Variants in ARHGAP26 observed in about 807,000 individuals in gnomAD.
ARHGAP26 encodes Rho GTPase activating protein 26.
ARHGAP26 carries 38 observed loss-of-function variants against 104.8 expected under a neutral mutation model. The ratio of observed to expected loss-of-function variants is 0.36; its 90% CI spans 0.28 to 0.48. The LOEUF is 0.48. Ranked by LOEUF, ARHGAP26 falls within the 20% of genes least tolerant of loss-of-function variation. The pLI, the probability that ARHGAP26 is intolerant of heterozygous loss-of-function variation, is 0.99. For synonymous variants in ARHGAP26, 341 were observed against 340.0 expected, an observed-to-expected ratio of 1.00 and a Z score of -0.03; for missense variants, 704 against 947.9, an observed-to-expected ratio of 0.74 and a Z score of 3.38.
chr5:142,799,844 C>T (rs776228198), intron 1 of ARHGAP26, among the ~76,000 whole-genome samples: 4 of 152,262 alleles, frequency 2.6e-5, no homozygotes, highest in Non-Finnish European at 5.9e-5. Context: ...GCCTCATCAC[C>T]TCTTAAAGGT....
chr5:142,840,674 G>C (rs928034841), intron 1 of ARHGAP26, among the ~76,000 whole-genome samples: 3 of 152,206 alleles, frequency 2.0e-5, no homozygotes, highest in Admixed American at 1.3e-4. Context: ...AGAGGCATCA[G>C]AAAAGCCATG....
At chr5:142,901,279 A>G (rs1457279820) in intron 6 of ARHGAP26, among the ~76,000 whole-genome samples, 1 of 152,236 alleles carries the variant, frequency 6.6e-6, no homozygotes, top group African/African-American at 2.4e-5. Flanking sequence ...CTTACCTTTT[A>G]GCCTGAGGGA....
chr5:143,071,734 C>T (rs1788279977), intron 17 of ARHGAP26, among the ~76,000 whole-genome samples: 1 of 151,980 alleles, frequency 6.6e-6, no homozygotes, highest in Non-Finnish European at 1.5e-5. Context: ...ATGGTGAAAC[C>T]CCATCTCTAC....
chr5:143,029,392 GTTTTTTTTTTTTTTTTT>G (rs536919888), intron 12 of ARHGAP26, among the ~76,000 whole-genome samples: 13 of 80,846 alleles, frequency 1.6e-4, no homozygotes, highest in Admixed American at 4.5e-4. Context: ...TTACTTCTCA[GTTTTTTTTTTTTTTTTT>G]TTTTTTTTTT....
chr5:142,965,431 G>A (rs1296697243), intron 11 of ARHGAP26, among the ~76,000 whole-genome samples: 3 of 152,290 alleles, frequency 2.0e-5, no homozygotes, highest in African/African-American at 2.4e-5. Context: ...GGCAACGGGC[G>A]TCTTCCCAGA....
chr5:143,151,833 C>T (rs906278253), intron 20 of ARHGAP26, among the ~76,000 whole-genome samples: 18 of 152,198 alleles, frequency 1.2e-4, no homozygotes, highest in Middle Eastern at 3.4e-3. Flanking sequence ...TGGTGTGAGC[C>T]TGTAGTCCCA....
intron 22 of ARHGAP26, among the ~76,000 whole-genome samples, chr5:143,215,556 A>G (rs1024901906): frequency 6.6e-6 from 1 of 152,190 alleles, no homozygotes; most frequent in African/African-American, 2.4e-5. Context: ...CATTGCCACT[A>G]TATAATTCCA....
rs577454511 is a variant in ARHGAP26, at chr5:143,225,589, G to A, written c.*3143G>A. 2 of 215,182 alleles carry A rather than the reference G, an allele frequency of 9.3e-6. No individual in the cohort carries two copies. The highest frequency in any genetic ancestry group is 2.3e-5 in the African/African-American group (1 of 44,372). The allele number at this position is 215,182 out of a possible 1,614,324, so 13.3% of individuals were successfully genotyped here. A position where few individuals can be genotyped will look rare whatever the true frequency, so the allele number is the denominator to read the frequency against. ...GATCCTTGCTTTGGGGGTGCCTCAC[G>A]AAGCATCCCTGTAGACATTTGGCCC... On this transcript the variant is annotated 3_prime_UTR_variant, in exon 23 of 23. Transcript: ENST00000645722.
chr5:142,852,332 C>G (rs192011196), intron 1 of ARHGAP26, among the ~76,000 whole-genome samples: 1 of 152,200 alleles, frequency 6.6e-6, no homozygotes. Context: ...TCATTGTCCT[C>G]TGGGGACATG....
intron 17 of ARHGAP26, among the ~76,000 whole-genome samples, chr5:143,101,559 A>G (rs4912649): frequency 0.97 from 147,480 of 152,168 alleles, 71,495 homozygotes; most frequent in East Asian, 1. Flanking sequence ...CCTTTCCTTA[A>G]CATCCAACCA....
At chr5:143,076,041 C>G (rs78313723) in intron 17 of ARHGAP26, among the ~76,000 whole-genome samples, 3,243 of 152,126 alleles carry the variant, frequency 0.021, 93 homozygotes, top group African/African-American at 0.063. Context: ...ACTCTGTCAC[C>G]CAGGCTGGAA....
intron 12 of ARHGAP26, among the ~76,000 whole-genome samples, chr5:143,018,067 T>C (rs1411371763): frequency 6.6e-6 from 1 of 152,238 alleles, no homozygotes; most frequent in African/African-American, 2.4e-5. Flanking sequence ...TTCATTGTTG[T>C]TTTAATTTGC....
In ARHGAP26 at chr5:143,227,248, C is replaced by G. The variant is rs909019007; in HGVS notation, c.*4802C>G. 3 of 229,150 alleles carry G rather than the reference C, an allele frequency of 1.3e-5. No homozygotes were observed. Among genetic ancestry groups the G allele is most frequent in the African/African-American group, 6.7e-5 (3 of 45,104 alleles). 14.2% of individuals were successfully genotyped at this position (229,150 alleles called of 1,614,324 possible). ...CCATGTTCCCCAAGTAGGTAGCCAG[C>G]GCTGCAGAAACCAAACAGCCTCTTA... On this transcript the variant is annotated 3_prime_UTR_variant, in exon 23 of 23. Transcript: ENST00000645722.
At chr5:143,178,248 C>T (rs950563162) in intron 20 of ARHGAP26, among the ~76,000 whole-genome samples, 2 of 152,034 alleles carry the variant, frequency 1.3e-5, no homozygotes, top group African/African-American at 4.8e-5. Flanking sequence ...GATCTGCCCA[C>T]CTCAGCCTCC....
intron 17 of ARHGAP26, among the ~76,000 whole-genome samples, chr5:143,096,032 A>G (rs1792258488): frequency 6.6e-6 from 1 of 152,248 alleles, no homozygotes; most frequent in Admixed American, 6.5e-5. Flanking sequence ...TAATTTTTTA[A>G]AAAAATTATT....
At chr5:143,043,411 G>A (rs572811591) in intron 14 of ARHGAP26, among the ~76,000 whole-genome samples, 10 of 152,234 alleles carry the variant, frequency 6.6e-5, no homozygotes, top group African/African-American at 2.2e-4. Context: ...ATATTCCATT[G>A]TATGGATGTA....
At chr5:143,143,006 G>A (rs1798744349) in intron 19 of ARHGAP26, among the ~76,000 whole-genome samples, 1 of 152,006 alleles carries the variant, frequency 6.6e-6, no homozygotes, top group African/African-American at 2.4e-5. Flanking sequence ...CTCCTTGTTT[G>A]ATCATGTGGA....
intron 11 of ARHGAP26, among the ~76,000 whole-genome samples, chr5:142,965,552 A>G (rs921532458): frequency 2.0e-5 from 3 of 152,132 alleles, no homozygotes; most frequent in Admixed American, 1.3e-4. Context: ...CTCAGCTCCT[A>G]TCTCTGTATG....
At chr5:143,136,887 A>G (rs1797975010) in intron 19 of ARHGAP26, among the ~76,000 whole-genome samples, 1 of 152,204 alleles carries the variant, frequency 6.6e-6, no homozygotes, top group Non-Finnish European at 1.5e-5. Context: ...ATAATTTGTG[A>G]AAAAAGGTAT....
Sources: gnomAD v4.1 joint callset for allele counts (sites outside exome capture counted in the v4.1 genomes callset) on GRCh38, gnomAD v4.1.1 for gene constraint, MANE v1.5 for transcripts, NCBI Gene and HGNC (gene_info 2026-07-23, HGNC 2026-07-21) for gene names.